The following TSPAN15 variants were observed in gnomAD, a reference collection of about 807,000 sequenced individuals.
The protein encoded by TSPAN15 is tetraspanin-15.
In TSPAN15, 20 loss-of-function variants were observed where a neutral mutation model predicts 34.5. That is an observed-to-expected ratio of 0.58 (90% CI 0.41 to 0.84). The LOEUF (loss-of-function observed/expected upper bound fraction) is 0.84. Ranked by LOEUF, TSPAN15 falls within the 40% of genes least tolerant of loss-of-function variation. The pLI, the probability that TSPAN15 is intolerant of heterozygous loss-of-function variation, is 0.00. For missense variants in TSPAN15, 313 were observed against 386.1 expected (o/e 0.81, Z 1.59); for synonymous variants, 155 against 153.9 (o/e 1.01, Z -0.05).
intron 1 of TSPAN15, among the ~76,000 whole-genome samples, chr10:69,482,164 A>G (rs986690680): frequency 6.6e-6 from 1 of 152,164 alleles, no homozygotes; most frequent in African/African-American, 2.4e-5. Flanking sequence ...CAGGAGTTTC[A>G]TGGGGAGGAA....
At chr10:69,482,069 A>C (rs1455297935) in intron 1 of TSPAN15, among the ~76,000 whole-genome samples, 1 of 104,884 alleles carries the variant, frequency 9.5e-6, no homozygotes, top group African/African-American at 4.4e-5. Flanking sequence ...AGACAAATTC[A>C]AAAAAAAAAA....
the TSPAN15 span, among the ~76,000 whole-genome samples, chr10:69,544,130 C>T: frequency 3.3e-5 from 5 of 152,092 alleles, no homozygotes; most frequent in East Asian, 5.8e-4. Flanking sequence ...TATTTCTCTG[C>T]CCCATCAGAC....
At chr10:69,454,559 G>A (rs1295961921) in intron 1 of TSPAN15, among the ~76,000 whole-genome samples, 1 of 152,106 alleles carries the variant, frequency 6.6e-6, no homozygotes, top group African/African-American at 2.4e-5. Context: ...GCTCATGCCT[G>A]TAATCCTAGC....
the TSPAN15 span, among the ~76,000 whole-genome samples, chr10:69,539,540 AGAAGGAGAAGGAGAAGGAGAAGG>A: frequency 0.012 from 624 of 50,938 alleles, 58 homozygotes; most frequent in Middle Eastern, 0.042. Context: ...AAGAAGAAGG[AGAAGGAGAAGGAGAAGGAGAAGG>A]AGAAGAAGAC....
At chr10:69,521,518 T>A in the TSPAN15 span, among the ~76,000 whole-genome samples, 3 of 147,512 alleles carry the variant, frequency 2.0e-5, no homozygotes, top group Non-Finnish European at 4.5e-5. Flanking sequence ...GTGGTTGCAG[T>A]GAGCCAAGAT....
the TSPAN15 span, among the ~76,000 whole-genome samples, chr10:69,543,844 A>AGTGTGTGTGTGTGTGTGTGTGTGT: frequency 6.8e-5 from 5 of 73,808 alleles, no homozygotes; most frequent in Admixed American, 4.3e-4. Context: ...GAAGAAGGGG[A>AGTGTGTGTGTGTGTGTGTGTGTGT]GTGTGTGTGT....
the TSPAN15 span, among the ~76,000 whole-genome samples, chr10:69,533,184 A>G: frequency 2.0e-5 from 3 of 152,194 alleles, no homozygotes; most frequent in South Asian, 6.2e-4. Context: ...AGAGGAAAAG[A>G]AGTCATTATA....
Position 69,470,230 on chromosome 10 carries a change from G to A in TSPAN15, c.97-13461G>A, listed in dbSNP as rs112983326. On this transcript the variant is annotated intron_variant, in intron 1 of 7. Coordinates refer to ENST00000373290, the MANE Select transcript of TSPAN15 (RefSeq NM_012339.5). ...TTCCTGCAGGAGCATTTCACAGGGT[G>A]TGCAGCGGGAGGTATGGAATATCAC... is the stretch of plus-strand genomic sequence containing the variant. Among the ~76,000 whole-genome samples the A allele has an allele frequency of 4.6e-5, 7 of 152,262 alleles. 1 individual carries two copies. The highest frequency in any genetic ancestry group is 1.7e-4 in the African/African-American group (7 of 41,540).
intron 6 of TSPAN15, 110 bp downstream of exon 6, chr10:69,504,595 C>T: frequency 8.6e-7 from 1 of 1,161,062 alleles, no homozygotes; most frequent in Middle Eastern, 2.0e-4. Context: ...GATTTTCCCA[C>T]ATTCCTGGCT....
chr10:69,498,591 G>A lies in TSPAN15; in HGVS notation c.570+195G>A, dbSNP rs540900250. Among the ~76,000 whole-genome samples the A allele has an allele frequency of 5.3e-5, 8 of 152,298 alleles. No individual in the cohort carries two copies. In the South Asian group the frequency reaches 1.7e-3, roughly 32 times the overall value. On this transcript the variant is annotated intron_variant, in intron 5 of 7. Transcript: ENST00000373290. ...GGAGCTTCTGGGGGTCGGGGGTAGG[G>A]AGACCATGTCTTTCTTAGTGGTGTT...
intron 1 of TSPAN15, among the ~76,000 whole-genome samples, chr10:69,456,677 C>G (rs144532436): frequency 2.6e-5 from 4 of 152,306 alleles, no homozygotes; most frequent in African/African-American, 9.6e-5. Context: ...CCTACCCTCT[C>G]TGTTCAAAAG....
downstream of TSPAN15, among the ~76,000 whole-genome samples, chr10:69,508,090 G>T (rs578204963): frequency 3.3e-5 from 5 of 152,244 alleles, no homozygotes; most frequent in African/African-American, 9.6e-5. Context: ...AAACCTTCGG[G>T]CCAGAAGACA....
intron 1 of TSPAN15, among the ~76,000 whole-genome samples, chr10:69,479,350 A>G (rs955999620): frequency 1.3e-5 from 2 of 152,236 alleles, no homozygotes; most frequent in African/African-American, 4.8e-5. Context: ...AGGAGGAAGC[A>G]GGGTTCCAGG....
At chr10:69,485,325 C>A in intron 3 of TSPAN15, 110 bp downstream of exon 3, 1 of 900,256 alleles carries the variant, frequency 1.1e-6, no homozygotes, top group Non-Finnish European at 1.9e-6. Flanking sequence ...CCCCATGGAG[C>A]TTTCATTCTG....
At chr10:69,477,387 A>G (rs1841639148) in intron 1 of TSPAN15, among the ~76,000 whole-genome samples, 1 of 152,106 alleles carries the variant, frequency 6.6e-6, no homozygotes, top group Admixed American at 6.6e-5. Context: ...TGCTGGGATT[A>G]CAGACATGAG....
chr10:69,513,606 G>GCTT, the TSPAN15 span, among the ~76,000 whole-genome samples: 9,998 of 152,242 alleles, frequency 0.066, 435 homozygotes, highest in East Asian at 0.11. Flanking sequence ...CATGCGTGAT[G>GCTT]CTTCTGGTGT....
chr10:69,510,186 C>T (rs921960882), downstream of TSPAN15, among the ~76,000 whole-genome samples: 12 of 152,282 alleles, frequency 7.9e-5, no homozygotes, highest in Admixed American at 1.3e-4. Context: ...GCCATTTTCA[C>T]GATATTGATT....
the TSPAN15 span, among the ~76,000 whole-genome samples, chr10:69,512,828 A>G: frequency 7.2e-5 from 11 of 152,232 alleles, no homozygotes; most frequent in Non-Finnish European, 1.3e-4. Context: ...TTATTTATCC[A>G]TTCACCTACT....
At chr10:69,539,398 G>T in the TSPAN15 span, among the ~76,000 whole-genome samples, 19 of 83,604 alleles carry the variant, frequency 2.3e-4, 3 homozygotes, top group Admixed American at 2.2e-3. Flanking sequence ...GGAAGAGGAA[G>T]AAGAGGAAGA....
Sources: gnomAD v4.1 joint callset for allele counts (sites outside exome capture counted in the v4.1 genomes callset) on GRCh38, gnomAD v4.1.1 for gene constraint, MANE v1.5 for transcripts, NCBI Gene and HGNC (gene_info 2026-07-23, HGNC 2026-07-21) for gene names.